Variants in FGF14 observed in about 807,000 individuals in gnomAD.
FGF14 encodes fibroblast growth factor 14.
A neutral mutation model predicts 25.5 loss-of-function variants in FGF14; 5 were observed. The ratio of observed to expected loss-of-function variants is 0.20; its 90% CI spans 0.10 to 0.41. The LOEUF (loss-of-function observed/expected upper bound fraction) is 0.41. Among genes scored for constraint, FGF14 ranks in the 10% least tolerant of loss-of-function variants. The pLI is 1.00. For synonymous variants in FGF14, 138 were observed against 118.3 expected (o/e 1.17, Z -1.08); for missense variants, 222 against 320.1 (o/e 0.69, Z 2.34).
At chr13:101,844,533 G>T (rs961942423) in intron 3 of FGF14, among the ~76,000 whole-genome samples, 1 of 151,852 alleles carries the variant, frequency 6.6e-6, no homozygotes, top group Non-Finnish European at 1.5e-5. Flanking sequence ...TTACAGTATG[G>T]CTGAGCTTCT....
chr13:102,300,942 C>T (rs976275744), intron 1 of FGF14, among the ~76,000 whole-genome samples: 12 of 143,500 alleles, frequency 8.4e-5, no homozygotes, highest in African/African-American at 3.4e-4. Flanking sequence ...CACACATACA[C>T]ACACACACAC....
chr13:102,157,568 T>C (rs1399317994), intron 1 of FGF14, among the ~76,000 whole-genome samples: 1 of 152,144 alleles, frequency 6.6e-6, no homozygotes, highest in Admixed American at 6.5e-5. Flanking sequence ...GAAGAAAACC[T>C]AGGCAATACC....
intron 1 of FGF14, among the ~76,000 whole-genome samples, chr13:102,022,221 C>A (rs2040695589): frequency 6.6e-6 from 1 of 152,048 alleles, no homozygotes; most frequent in South Asian, 2.1e-4. Flanking sequence ...AAGGACATAG[C>A]CAGTTGCCTC....
At chr13:101,792,536 GA>G (rs562169033) in intron 3 of FGF14, among the ~76,000 whole-genome samples, 3 of 151,936 alleles carry the variant, frequency 2.0e-5, no homozygotes, top group Non-Finnish European at 4.4e-5. Flanking sequence ...TTTCGTGGAG[GA>G]AAAAAATCAT....
chr13:102,030,357 A>G (rs1391265313), intron 1 of FGF14, among the ~76,000 whole-genome samples: 1 of 151,972 alleles, frequency 6.6e-6, no homozygotes, highest in Non-Finnish European at 1.5e-5. Flanking sequence ...TGAGGCAGGG[A>G]CCCCACGGGG....
chr13:101,939,155 G>A (rs527952420), intron 1 of FGF14, among the ~76,000 whole-genome samples: 128 of 152,248 alleles, frequency 8.4e-4, no homozygotes, highest in African/African-American at 2.9e-3. Context: ...CAGTGTTTGA[G>A]GATGGAAAAA....
At chr13:102,016,307 T>C (rs958869597) in intron 1 of FGF14, among the ~76,000 whole-genome samples, 2 of 152,158 alleles carry the variant, frequency 1.3e-5, no homozygotes, top group African/African-American at 4.8e-5. Context: ...ACTAACCTGC[T>C]ATCAGGATAA....
chr13:102,348,522 A>G (rs563489123), intron 1 of FGF14, among the ~76,000 whole-genome samples: 1 of 152,352 alleles, frequency 6.6e-6, no homozygotes, highest in East Asian at 1.9e-4. Flanking sequence ...AGCAGCCAAC[A>G]TAAGAAAAAC....
Position 102,273,944 on chromosome 13 carries a change from C to CAAA in FGF14, c.208+127524_208+127526dup, listed in dbSNP as rs10627893. ...ACAGAGCAAGAGCAAGACCCTGTCT[C>CAAA]AAAAAAAAAAAAAAGGAAGAAAGAA... On this transcript the variant is annotated intron_variant, in intron 1 of 4. Transcript: ENST00000376131. 1.8e-3 allele frequency among the ~76,000 whole-genome samples: 216 copies of CAAA among 121,176 alleles called. 1 individual carries two copies. The highest frequency in any genetic ancestry group is 4.8e-3 in the Admixed American group (56 of 11,606). The allele number at this position is 121,176 out of a possible 152,430, so 79.5% of individuals were successfully genotyped here. A position where few individuals can be genotyped will look rare whatever the true frequency, so the allele number is the denominator to read the frequency against.
intron 3 of FGF14, among the ~76,000 whole-genome samples, chr13:101,790,425 T>TA (rs2040171513): frequency 7.4e-6 from 1 of 135,882 alleles, no homozygotes; most frequent in Admixed American, 7.6e-5. Flanking sequence ...TTTTTTTTTT[T>TA]AACTTTTGTT....
intron 3 of FGF14, among the ~76,000 whole-genome samples, chr13:101,821,997 C>T (rs1189097127): frequency 6.6e-6 from 1 of 152,116 alleles, no homozygotes; most frequent in Non-Finnish European, 1.5e-5. Context: ...AGGAACAGTT[C>T]TGAATTTTAA....
intron 1 of FGF14, among the ~76,000 whole-genome samples, chr13:102,006,299 C>T (rs1024091578): frequency 3.9e-5 from 6 of 152,088 alleles, no homozygotes; most frequent in Admixed American, 2.0e-4. Context: ...TGTGTAATTA[C>T]AAAGCAATAA....
intron 1 of FGF14, among the ~76,000 whole-genome samples, chr13:101,930,532 A>C (rs2493589): frequency 0.35 from 53,852 of 152,098 alleles, 11,898 homozygotes; most frequent in East Asian, 0.73. Context: ...ACAATCATTC[A>C]GCGATTTTCT....
chr13:102,110,169 G>C (rs1054679602), intron 1 of FGF14, among the ~76,000 whole-genome samples: 1 of 152,074 alleles, frequency 6.6e-6, no homozygotes, highest in Non-Finnish European at 1.5e-5. Context: ...AGCTTCAAAA[G>C]ACTTGTTTTA....
intron 1 of FGF14, among the ~76,000 whole-genome samples, chr13:102,051,775 A>G (rs1430509722): frequency 6.6e-6 from 1 of 152,202 alleles, no homozygotes; most frequent in East Asian, 1.9e-4. Flanking sequence ...AGGTCTTTCC[A>G]CAGCAAGACT....
intron 3 of FGF14, among the ~76,000 whole-genome samples, chr13:101,755,460 C>A (rs748171982): frequency 3.9e-5 from 6 of 151,936 alleles, no homozygotes; most frequent in Non-Finnish European, 5.9e-5. Flanking sequence ...ATGATCACAC[C>A]GCTGCACTCC....
intron 1 of FGF14, among the ~76,000 whole-genome samples, chr13:101,879,009 T>A (rs938633667): frequency 2.6e-5 from 4 of 152,144 alleles, no homozygotes; most frequent in African/African-American, 9.6e-5. Flanking sequence ...AGATTCCCAA[T>A]GAATAATTGA....
upstream of FGF14, among the ~76,000 whole-genome samples, chr13:101,921,294 C>G (rs1296209615): frequency 1.3e-5 from 2 of 152,086 alleles, no homozygotes; most frequent in African/African-American, 2.4e-5. Flanking sequence ...CTAACACCAG[C>G]AATTGTTGAA....
chr13:102,008,889 T>C (rs1426571277), intron 1 of FGF14, among the ~76,000 whole-genome samples: 2 of 152,180 alleles, frequency 1.3e-5, no homozygotes, highest in Non-Finnish European at 2.9e-5. Context: ...ATTACTCCTG[T>C]TATACGATCT....
Sources: allele counts gnomAD v4.1 joint callset (sites outside exome capture counted in the v4.1 genomes callset), GRCh38; gene constraint gnomAD v4.1.1; transcripts MANE v1.5; gene names NCBI Gene and HGNC (gene_info 2026-07-23, HGNC 2026-07-21).